The following DNAH12 variants were observed in gnomAD, a reference collection of about 807,000 sequenced individuals.
The protein encoded by DNAH12 is dynein axonemal heavy chain 12, also known as axonemal beta dynein heavy chain 12.
Under a neutral mutation model 371.5 loss-of-function variants are expected in DNAH12, and 285 were observed. That is an observed-to-expected ratio of 0.77 (90% CI 0.70 to 0.85). DNAH12 has a LOEUF of 0.85. DNAH12 is among the 40% of genes least tolerant of loss of function. DNAH12 has a pLI of 0.00. For synonymous variants in DNAH12, 1,200 were observed against 1,213.0 expected (o/e 0.99, Z 0.22); for missense variants, 3,611 against 3,689.4 (o/e 0.98, Z 0.55).
At chr3:57,554,842 C>T in the DNAH12 span, among the ~76,000 whole-genome samples, 3 of 152,194 alleles carry the variant, frequency 2.0e-5, no homozygotes, top group South Asian at 6.2e-4. Context: ...GTCTCGAACT[C>T]CTGACCTTAG....
At chr3:57,515,840 C>T (rs923463978) in intron 4 of DNAH12, among the ~76,000 whole-genome samples, 4 of 151,882 alleles carry the variant, frequency 2.6e-5, no homozygotes, top group African/African-American at 9.7e-5. Flanking sequence ...TATGGGAACA[C>T]ATAAAGCATA....
chr3:57,481,024 C>T (rs2066723817), intron 13 of DNAH12, among the ~76,000 whole-genome samples: 1 of 152,138 alleles, frequency 6.6e-6, no homozygotes, highest in Non-Finnish European at 1.5e-5. Flanking sequence ...CAGGGATGCC[C>T]TCTTTCACCA....
intron 43 of DNAH12, among the ~76,000 whole-genome samples, chr3:57,398,646 T>G (rs1256460999): frequency 6.6e-6 from 1 of 152,208 alleles, no homozygotes; most frequent in African/African-American, 2.4e-5. Context: ...TAAGGTGACA[T>G]ATTCTAATTG....
At chr3:57,304,179 T>A (rs927042129) in intron 69 of DNAH12, among the ~76,000 whole-genome samples, 1 of 152,050 alleles carries the variant, frequency 6.6e-6, no homozygotes, top group Admixed American at 6.5e-5. Context: ...CTTTTCGGAC[T>A]CAGCCTGCGT....
chr3:57,296,809 T>G (rs766033073), intron 71 of DNAH12, 38 bp downstream of exon 71: 7 of 1,541,194 alleles, frequency 4.5e-6, no homozygotes. Flanking sequence ...CATGACTTAA[T>G]GTAATGATAT....
intron 62 of DNAH12, among the ~76,000 whole-genome samples, chr3:57,327,461 T>C (rs947103816): frequency 7.2e-5 from 11 of 152,082 alleles, no homozygotes; most frequent in Non-Finnish European, 5.9e-5. Context: ...GAATGACTAC[T>C]GGGTACATAG....
At chr3:57,401,772 A>G (rs1409554918) in intron 43 of DNAH12, among the ~76,000 whole-genome samples, 1 of 152,086 alleles carries the variant, frequency 6.6e-6, no homozygotes, top group Non-Finnish European at 1.5e-5. Flanking sequence ...AGAAGACTCA[A>G]ATAACAAAAA....
chr3:57,295,478 C>T (rs1193718374), intron 73 of DNAH12, 47 bp downstream of exon 73: 4 of 1,506,838 alleles, frequency 2.7e-6, no homozygotes, highest in Non-Finnish European at 3.6e-6. Context: ...AATATCCATC[C>T]TTATTCTCCC....
At chr3:57,551,057 G>A in the DNAH12 span, among the ~76,000 whole-genome samples, 43 of 151,228 alleles carry the variant, frequency 2.8e-4, no homozygotes, top group East Asian at 6.1e-3. Context: ...TAGTAGAGAT[G>A]GGGTTTCACC....
At chr3:57,308,949 CTG>C (rs1235065532) in intron 69 of DNAH12, among the ~76,000 whole-genome samples, 200 bp downstream of exon 69, 2 of 152,062 alleles carry the variant, frequency 1.3e-5, no homozygotes, top group African/African-American at 4.8e-5. Flanking sequence ...ACCACAAAAT[CTG>C]CCTTCAGCTT....
In DNAH12 at chr3:57,447,752, GC is replaced by G. The variant is rs577940900; in HGVS notation, c.3787-1064del. Among the ~76,000 whole-genome samples, 421 of 152,160 alleles carry G rather than the reference GC, an allele frequency of 2.8e-3. 1 individual carries two copies. The highest frequency in any genetic ancestry group is 4.8e-3 in the Non-Finnish European group (326 of 68,008). On this transcript the variant is annotated intron_variant, in intron 25 of 73. Coordinates refer to ENST00000495027, the MANE Select transcript of DNAH12 (RefSeq NM_001366028.2). ...CACAGTGGTGAGATCTTGACTAGGTGCCCCTCTGCCTCCTGGGCTCAAGCAA... is the reference window on the plus strand; with the variant it reads ...CACAGTGGTGAGATCTTGACTAGGTGCCCTCTGCCTCCTGGGCTCAAGCAA...
chr3:57,442,686 A>G (rs2065345842), intron 29 of DNAH12, among the ~76,000 whole-genome samples: 1 of 152,224 alleles, frequency 6.6e-6, no homozygotes, highest in Non-Finnish European at 1.5e-5. Flanking sequence ...AAGAGTACAT[A>G]AGAGTTCTTC....
In DNAH12 at chr3:57,448,371, T is replaced by G. The variant is rs145595246; in HGVS notation, c.3787-1682A>C. On this transcript the variant is annotated intron_variant, in intron 25 of 73. Transcript: ENST00000495027. ...TTGTTCATTCCTCCTGGTGGGCTCG[T>G]GCTCTCACTGGCTTCAGGAGAGAAG... Among the ~76,000 whole-genome samples the G allele has an allele frequency of 1.7e-3, 265 of 152,014 alleles. 1 individual carries two copies. Among genetic ancestry groups the G allele is most frequent in the African/African-American group, 6.1e-3 (255 of 41,480 alleles).
In DNAH12 at chr3:57,310,793, T is replaced by C. The variant is rs2061567823; in HGVS notation, c.10820A>G (p.His3607Arg). The C allele has an allele frequency of 6.4e-7, 1 of 1,551,540 alleles. No homozygotes were observed. The highest frequency in any genetic ancestry group is 8.7e-7 in the Non-Finnish European group (1 of 1,146,986). ...GTTTCCACTGGGAGAAAACTTATAA[T>C]GAGGGTTTTCAACTATGTACAGATT... Reference protein sequence around the residue: ...FYNLYIVENPHYKFSPSGNYF... With the variant: ...FYNLYIVENPRYKFSPSGNYF... The change falls in exon 67 of 74, where the codon CAT becomes CGT. Residue 3607 changes from histidine to arginine, a missense_variant. By Grantham distance (29) the His-to-Arg change is conservative (BLOSUM62 0). Transcript: ENST00000495027.
At chr3:57,439,056 T>C (rs545966894) in intron 29 of DNAH12, among the ~76,000 whole-genome samples, 28 of 151,452 alleles carry the variant, frequency 1.8e-4, no homozygotes, top group African/African-American at 6.8e-4. Context: ...AAAGAAATCA[T>C]AGATGACACA....
intron 11 of DNAH12, among the ~76,000 whole-genome samples, chr3:57,495,556 C>T (rs1295683742): frequency 6.9e-6 from 1 of 144,116 alleles, no homozygotes; most frequent in Admixed American, 7.2e-5. Context: ...CTCACTCTAG[C>T]CTGGGCGACA....
In DNAH12 at chr3:57,457,805, C is replaced by A. The variant is rs544970171; in HGVS notation, c.3252G>T (p.Ala1084=). The change falls in exon 22 of 74, where the codon GCG becomes GCT. Residue 1084 remains alanine (A), a synonymous_variant. Coordinates refer to ENST00000495027, the MANE Select transcript of DNAH12 (RefSeq NM_001366028.2). ...ELIALISTSA[A]RGAVEKWLIQ... ...TGAGCCACTTTTCCACAGCACCCCG[C>A]GCTGCAGACGTGGAAATGAGTGCAA... The A allele has an allele frequency of 3.5e-5, 54 of 1,551,546 alleles. No homozygotes were observed. The Admixed American group carries it at 5.7e-4, about 16-fold the overall frequency.
At chr3:57,356,024 C>T (rs1045832710) in intron 59 of DNAH12, among the ~76,000 whole-genome samples, 17 of 152,248 alleles carry the variant, frequency 1.1e-4, no homozygotes, top group South Asian at 2.1e-4. Context: ...CTCACGTTAA[C>T]GAATTTGCCT....
intron 29 of DNAH12, among the ~76,000 whole-genome samples, chr3:57,438,824 G>T (rs1035239293): frequency 6.8e-6 from 1 of 146,600 alleles, no homozygotes; most frequent in African/African-American, 2.5e-5. Context: ...GTAGTGGCAC[G>T]CACCTGTAAT....
Sources: allele counts gnomAD v4.1 joint callset (sites outside exome capture counted in the v4.1 genomes callset), GRCh38; gene constraint gnomAD v4.1.1; transcripts MANE v1.5; gene names NCBI Gene and HGNC (gene_info 2026-07-23, HGNC 2026-07-21).